The following PTPRT variants were observed in gnomAD, a reference collection of about 807,000 sequenced individuals.
PTPRT encodes the protein receptor-type tyrosine-protein phosphatase T.
A neutral mutation model predicts 176.8 loss-of-function variants in PTPRT; 56 were observed. That is an observed-to-expected ratio of 0.32 (90% CI 0.26 to 0.40). The LOEUF (loss-of-function observed/expected upper bound fraction) is 0.40. Ranked by LOEUF, PTPRT falls within the 10% of genes least tolerant of loss-of-function variation. PTPRT has a pLI of 1.00. For missense variants in PTPRT, 1,540 were observed against 1,908.2 expected (o/e 0.81, Z 3.60); for synonymous variants, 783 against 739.0 (o/e 1.06, Z -0.96).
chr20:42,128,828 C>A lies in PTPRT; in HGVS notation c.2773G>T (p.Asp925Tyr). The A allele has an allele frequency of 6.2e-7, 1 of 1,604,736 alleles. No individual in the cohort carries two copies. The highest frequency in any genetic ancestry group is 8.5e-7 in the Non-Finnish European group (1 of 1,174,944). The change falls in exon 19 of 31, where the codon GAC (aspartate) becomes TAC (tyrosine). Residue 925 changes from aspartate (D) to tyrosine (Y), a missense_variant and splice_region_variant. By Grantham distance (160) the Asp-to-Tyr change is radical. Transcript: ENST00000373187. ...ACCAGCAGCCTCACCCGGGAATGGTCGTCTGCAGAGAGAGCAGAAATCAAG... is the reference window on the plus strand; with the variant it reads ...ACCAGCAGCCTCACCCGGGAATGGTAGTCTGCAGAGAGAGCAGAAATCAAG... ...KNRYGNIISY[D>Y]HSRVRLLVLD...
chr20:42,136,753 T>C (rs1335138840), intron 18 of PTPRT, among the ~76,000 whole-genome samples: 3 of 152,120 alleles, frequency 2.0e-5, no homozygotes, highest in Admixed American at 6.5e-5. Context: ...ACATGAGATA[T>C]GTATTTGGAT....
chr20:42,439,017 G>A (rs911375379), intron 9 of PTPRT, among the ~76,000 whole-genome samples: 2 of 152,338 alleles, frequency 1.3e-5, no homozygotes, highest in South Asian at 4.1e-4. Flanking sequence ...CTGAGTGCCA[G>A]AAATCATTCT....
intron 7 of PTPRT, among the ~76,000 whole-genome samples, chr20:42,630,188 G>A (rs951843855): frequency 6.6e-6 from 1 of 152,094 alleles, no homozygotes; most frequent in African/African-American, 2.4e-5. Context: ...GATAGAGGAA[G>A]GGGCCATGAG....
intron 2 of PTPRT, among the ~76,000 whole-genome samples, chr20:42,870,357 G>A (rs781360598): frequency 7.9e-5 from 12 of 152,326 alleles, no homozygotes; most frequent in Middle Eastern, 3.4e-3. Context: ...TTAAGGCTGA[G>A]TAATATTCCA....
intron 7 of PTPRT, among the ~76,000 whole-genome samples, chr20:42,571,946 C>G (rs1210128691): frequency 6.6e-6 from 1 of 152,180 alleles, no homozygotes; most frequent in Non-Finnish European, 1.5e-5. Flanking sequence ...TGAGTTAGAG[C>G]CTGGTGCTCT....
chr20:42,964,873 A>G, intron 1 of PTPRT, among the ~76,000 whole-genome samples: 1 of 152,210 alleles, frequency 6.6e-6, no homozygotes, highest in Admixed American at 6.5e-5. Flanking sequence ...CCAAAGAGGA[A>G]CATATTTTAA....
Position 42,095,876 on chromosome 20 carries a change from C to T in PTPRT, c.3846+2545G>A, listed in dbSNP as rs150889457. Among the ~76,000 whole-genome samples the T allele has an allele frequency of 9.2e-4, 140 of 152,290 alleles. 3 individuals are homozygous for T. In the South Asian group the frequency reaches 0.013, roughly 14 times the overall value. ...CTGAATCAATAGACTCTCTCCGGAA[C>T]GTCTCTCACAGGCACATCCCAAGGT... is the stretch of plus-strand genomic sequence containing the variant. On this transcript the variant is annotated intron_variant, in intron 27 of 30. Transcript: ENST00000373187.
At chr20:43,032,553 G>C (rs1283518304) in intron 1 of PTPRT, among the ~76,000 whole-genome samples, 2 of 150,528 alleles carry the variant, frequency 1.3e-5, no homozygotes, top group African/African-American at 4.9e-5. Context: ...CCAGAAGGGA[G>C]AAGGGAAACC....
chr20:42,378,328 A>C (rs1447425545), intron 9 of PTPRT, among the ~76,000 whole-genome samples: 1 of 152,166 alleles, frequency 6.6e-6, no homozygotes, highest in Non-Finnish European at 1.5e-5. Context: ...TTCTGAGATC[A>C]CACCTCTCTT....
rs554799031 is a variant in PTPRT at position 42,579,215 on chromosome 20, A to T, written c.1153+98651T>A. 2.0e-4 allele frequency among the ~76,000 whole-genome samples: 31 copies of T among 151,984 alleles called. No individual in the cohort carries two copies. The South Asian group carries it at 3.5e-3, about 17-fold the overall frequency. On this transcript the variant is annotated intron_variant, in intron 7 of 30. Coordinates refer to ENST00000373187, the MANE Select transcript of PTPRT (RefSeq NM_007050.6). ...AGAATGATGGTTTCCAGCTTCATCC[A>T]TGTCCCTACAAAGGACATGAACTCA...
chr20:43,113,449 T>C (rs2012942465), intron 1 of PTPRT, among the ~76,000 whole-genome samples: 1 of 152,246 alleles, frequency 6.6e-6, no homozygotes, highest in African/African-American at 2.4e-5. Flanking sequence ...TCCTGCTTGG[T>C]TTTTAATTTG....
chr20:42,773,690 A>C (rs980218894), intron 4 of PTPRT, among the ~76,000 whole-genome samples: 1 of 152,056 alleles, frequency 6.6e-6, no homozygotes, highest in African/African-American at 2.4e-5. Context: ...TAATTTTATG[A>C]AGTTATTTTT....
chr20:42,184,586 T>TTCTTCTTCTTCTTCTTCTTCTTCC (rs1990680098), intron 16 of PTPRT, among the ~76,000 whole-genome samples: 1 of 143,560 alleles, frequency 7.0e-6, no homozygotes, highest in African/African-American at 2.6e-5. Context: ...CTTCTTCTTC[T>TTCTTCTTCTTCTTCTTCTTCTTCC]TCTTCTTCCT....
chr20:43,074,197 A>G (rs1435022661), intron 1 of PTPRT, among the ~76,000 whole-genome samples: 1 of 152,226 alleles, frequency 6.6e-6, no homozygotes, highest in Non-Finnish European at 1.5e-5. Context: ...TGTGCAGTAG[A>G]TGACTATAAT....
At chr20:42,150,630 G>A (rs929484966) in intron 17 of PTPRT, among the ~76,000 whole-genome samples, 1 of 152,200 alleles carries the variant, frequency 6.6e-6, no homozygotes, top group Admixed American at 6.5e-5. Flanking sequence ...TCAGGGAAAA[G>A]GCAGAGCTTT....
At chr20:42,373,699 G>C (rs1489067524) in intron 9 of PTPRT, among the ~76,000 whole-genome samples, 2 of 152,236 alleles carry the variant, frequency 1.3e-5, no homozygotes, top group Non-Finnish European at 2.9e-5. Flanking sequence ...GTAGCATGCA[G>C]AACGGTGTGA....
chr20:42,163,069 T>TGCTTTCACCCTA (rs1308418055), intron 16 of PTPRT, among the ~76,000 whole-genome samples: 2 of 152,220 alleles, frequency 1.3e-5, no homozygotes, highest in Non-Finnish European at 2.9e-5. Flanking sequence ...CTTTCACTTA[T>TGCTTTCACCCTA]ATCTGTGGTT....
chr20:42,350,228 T>TGTTTG (rs745693310), intron 11 of PTPRT, among the ~76,000 whole-genome samples: 1 of 118,068 alleles, frequency 8.5e-6, no homozygotes, highest in African/African-American at 3.5e-5. Flanking sequence ...TTTTTTTTTT[T>TGTTTG]TTTTTTTTTT....
At chr20:42,859,882 G>A (rs541749222) in intron 2 of PTPRT, among the ~76,000 whole-genome samples, 13 of 151,886 alleles carry the variant, frequency 8.6e-5, no homozygotes, top group East Asian at 3.9e-4. Context: ...ATGAGCCACC[G>A]TGCCCAGCCA....
Sources: allele counts gnomAD v4.1 joint callset (sites outside exome capture counted in the v4.1 genomes callset), GRCh38; gene constraint gnomAD v4.1.1; transcripts MANE v1.5; gene names NCBI Gene and HGNC (gene_info 2026-07-23, HGNC 2026-07-21).